Variants in CDCA7 observed in about 807,000 individuals in gnomAD.
The protein encoded by CDCA7 is cell division cycle associated 7.
Under a neutral mutation model 54.0 loss-of-function variants are expected in CDCA7, and 28 were observed. The ratio of observed to expected loss-of-function variants is 0.52; its 90% CI spans 0.38 to 0.71. The LOEUF (loss-of-function observed/expected upper bound fraction) is 0.71. CDCA7 is among the 30% of genes least tolerant of loss of function. The pLI is 0.00. For synonymous variants in CDCA7, 180 were observed against 208.2 expected (o/e 0.86, Z 1.16); for missense variants, 484 against 586.0 (o/e 0.83, Z 1.80).
Position 173,358,753 on chromosome 2 carries a change from A to C in CDCA7, c.63A>C (p.Arg21Ser). ...LRVKKNLKKF[R>S]YVKLISMETS... ...TAAAGAAGAACTTAAAGAAATTCAGATATGTGAAGTTGATTTCCATGGAAA... is the reference window on the plus strand; with the variant it reads ...TAAAGAAGAACTTAAAGAAATTCAGCTATGTGAAGTTGATTTCCATGGAAA... Residue 21 changes from arginine to serine, a missense_variant, in exon 2 of 10, where the codon AGA becomes AGC. Arg to Ser is a moderately radical substitution (Grantham distance 110). This residue lies in a region of CDCA7 where 398 missense variants were observed against 447.4 expected (regional missense o/e 0.89). Coordinates refer to ENST00000306721, the MANE Select transcript of CDCA7 (RefSeq NM_031942.5). 2 of 1,613,996 alleles carry C rather than the reference A, an allele frequency of 1.2e-6. No individual in the cohort carries two copies. Among genetic ancestry groups the C allele is most frequent in the Non-Finnish European group, 1.7e-6 (2 of 1,179,938 alleles).
chr2:173,357,334 G>GTA (rs142941234), intron 1 of CDCA7, among the ~76,000 whole-genome samples: 5,761 of 152,276 alleles, frequency 0.038, 358 homozygotes, highest in African/African-American at 0.13. Flanking sequence ...CTTAAGTCTT[G>GTA]TATAGCAAAG....
rs920861024 is a variant in CDCA7, at chr2:173,355,129, G to C, written c.21+145G>C. Reference sequence around the variant, plus strand: ...GCGTTGCCCGCTTGGGCAAGCCCCTGATTTTGTGCACCTGGGATAACTGAG... The same window carrying C: ...GCGTTGCCCGCTTGGGCAAGCCCCTCATTTTGTGCACCTGGGATAACTGAG... On this transcript the variant is annotated intron_variant, in intron 1 of 9. Transcript: ENST00000306721. 2.3e-4 allele frequency: 227 copies of C among 977,144 alleles called. 1 individual carries two copies. The highest frequency in any genetic ancestry group is 1.0e-3 in the Middle Eastern group (3 of 2,974). The allele number at this position is 977,144 out of a possible 1,614,324, so 60.5% of individuals were successfully genotyped here.
rs1165493528 is a variant in CDCA7, at chr2:173,366,142, C to G, written c.1036-141C>G. The G allele has an allele frequency of 4.2e-6, 4 of 944,324 alleles. No homozygotes were observed. The highest frequency in any genetic ancestry group is 6.1e-6 in the Non-Finnish European group (4 of 653,786). 58.5% of individuals were successfully genotyped at this position (944,324 alleles called of 1,614,324 possible). A position where few individuals can be genotyped will look rare whatever the true frequency, so the allele number is the denominator to read the frequency against. ...ACCTGGTTGAGTTATTTTTCATACCCTGGCATATACATGTGTATGTAGAGA... is the reference window on the plus strand; with the variant it reads ...ACCTGGTTGAGTTATTTTTCATACCGTGGCATATACATGTGTATGTAGAGA... On this transcript the variant is annotated intron_variant, in intron 7 of 9. Transcript: ENST00000306721. This position sits in a 1 kb window ranked among gnomAD's most constrained non-coding sequence, Gnocchi z 4.5.
rs1433415442 is a variant in CDCA7 at position 173,357,926 on chromosome 2, C to A, written c.22-786C>A. On this transcript the variant is annotated intron_variant, in intron 1 of 9. Coordinates refer to ENST00000306721, the MANE Select transcript of CDCA7 (RefSeq NM_031942.5). ...AGAATTTGACCTGGTTTTGGCCGGG[C>A]GCGGTGGCTCACGCCTGTAATCCCA... Among the ~76,000 whole-genome samples the A allele has an allele frequency of 2.0e-5, 3 of 150,210 alleles. 1 individual carries two copies. The highest frequency in any genetic ancestry group is 1.3e-4 in the Admixed American group (2 of 15,040).
Position 173,365,529 on chromosome 2 carries a change from T to C in CDCA7, c.972T>C (p.Ile324=). 1 of 1,614,158 alleles carries C rather than the reference T, an allele frequency of 6.2e-7. No individual in the cohort carries two copies. Among genetic ancestry groups the C allele is most frequent in the Non-Finnish European group, 8.5e-7 (1 of 1,180,038 alleles). Reference sequence around the variant, plus strand: ...ATATAATTCGCCCAGTGGAAGAAATTACAGAGGAGGAGTTGGAGAACGTCT... The same window carrying C: ...ATATAATTCGCCCAGTGGAAGAAATCACAGAGGAGGAGTTGGAGAACGTCT... ...LPHIIRPVEE[I]TEEELENVCS... is the part of the protein sequence containing the mutation. The change falls in exon 7 of 10, where the codon ATT becomes ATC. Residue 324 remains isoleucine (I), a synonymous_variant. Transcript: ENST00000306721.
rs767153693 is a variant in CDCA7 at position 173,368,069 on chromosome 2, G to A, written c.*405G>A. The A allele has an allele frequency of 2.6e-4, 46 of 177,300 alleles. No individual in the cohort carries two copies. Among genetic ancestry groups the A allele is most frequent in the Non-Finnish European group, 5.1e-4 (43 of 83,922 alleles). The allele number at this position is 177,300 out of a possible 1,614,324, so 11.0% of individuals were successfully genotyped here. ...AACTAACTAGATCTATTGAATTTCA[G>A]AGAAGAGCCTTCTAACTTGTTTACA... On this transcript the variant is annotated 3_prime_UTR_variant, in exon 10 of 10. Transcript: ENST00000306721.
intron 5 of CDCA7, 78 bp downstream of exon 5, chr2:173,363,973 A>T: frequency 3.7e-6 from 5 of 1,353,700 alleles, no homozygotes; most frequent in Non-Finnish European, 5.2e-6. Flanking sequence ...TTAAAAATCT[A>T]ATTTCTTTAT....
At chr2:173,362,825 G>A (rs1221933415) in intron 3 of CDCA7, among the ~76,000 whole-genome samples, 3 of 151,942 alleles carry the variant, frequency 2.0e-5, no homozygotes, top group African/African-American at 4.8e-5. Flanking sequence ...TGATTCACCC[G>A]CCTCAGCCTC....
intron 9 of CDCA7, 94 bp downstream of exon 9, chr2:173,367,380 C>G: frequency 6.4e-7 from 1 of 1,564,996 alleles, no homozygotes; most frequent in African/African-American, 1.4e-5. Context: ...GTGGTTATCT[C>G]TGGCGGGGTG....
At chr2:173,361,078 A>G (rs1686612163) in intron 3 of CDCA7, among the ~76,000 whole-genome samples, 1 of 152,120 alleles carries the variant, frequency 6.6e-6, no homozygotes, top group Non-Finnish European at 1.5e-5. Context: ...GGCTTCTTTC[A>G]CTTAGGATAA....
At chr2:173,365,073 T>A (rs1214744332) in intron 6 of CDCA7, 84 bp downstream of exon 6, 1 of 1,450,298 alleles carries the variant, frequency 6.9e-7, no homozygotes, top group African/African-American at 1.4e-5. Context: ...TACACGCACA[T>A]CCTTAACACC....
In CDCA7 at chr2:173,359,322, A is replaced by T; in HGVS notation, c.215A>T (p.Glu72Val). 1 of 1,614,238 alleles carries T rather than the reference A, an allele frequency of 6.2e-7. No homozygotes were observed. Among genetic ancestry groups the T allele is most frequent in the Non-Finnish European group, 8.5e-7 (1 of 1,180,044 alleles). Residue 72 changes from glutamate (E) to valine (V), a missense_variant, in exon 3 of 10, where the codon GAA becomes GTA. Glu to Val is a moderately radical substitution (Grantham distance 121, BLOSUM62 -2). Around this residue, in one of 3 missense-constraint regions of CDCA7, gnomAD observed 398 missense variants for 447.4 expected, o/e 0.89. Transcript: ENST00000306721. The stretch of plus-strand genomic sequence containing the variant: ...GTTTTTTATGAGGACTCTGATAATG[A>T]ATCTTTCTGCGGCTTTTCAGAAAGT... The part of the protein sequence containing the change: ...ANVFYEDSDN[E>V]SFCGFSESEV...
chr2:173,358,922 C>A, intron 2 of CDCA7, 85 bp downstream of exon 2: 1 of 1,515,756 alleles, frequency 6.6e-7, no homozygotes, highest in Non-Finnish European at 8.9e-7. Flanking sequence ...AAACTGCTTG[C>A]TTTTTGCCTA....
chr2:173,365,636 G>A, intron 7 of CDCA7, 44 bp downstream of exon 7: 3 of 1,600,476 alleles, frequency 1.9e-6, no homozygotes, highest in Non-Finnish European at 2.6e-6. Context: ...ACATCTGTGA[G>A]AGGAAGAGAG....
chr2:173,361,307 G>T (rs1686616213), intron 3 of CDCA7, among the ~76,000 whole-genome samples: 1 of 152,156 alleles, frequency 6.6e-6, no homozygotes, highest in African/African-American at 2.4e-5. Flanking sequence ...ATATACATAG[G>T]AATAGAATTG....
chr2:173,359,146 C>A, intron 2 of CDCA7, 109 bp from the exon 3 acceptor site: 1 of 890,082 alleles, frequency 1.1e-6, no homozygotes, highest in Non-Finnish European at 1.7e-6. Flanking sequence ...AAAAGCTGTT[C>A]TCTTGTAGTG....
chr2:173,358,494 C>T (rs541832094), intron 1 of CDCA7: 28 of 416,252 alleles, frequency 6.7e-5, no homozygotes, highest in South Asian at 1.4e-4. Flanking sequence ...CTCAGCACTG[C>T]ACTTTAGCCT....
At chr2:173,360,761 G>A (rs570599420) in intron 3 of CDCA7, among the ~76,000 whole-genome samples, 2 of 152,316 alleles carry the variant, frequency 1.3e-5, no homozygotes, top group East Asian at 3.9e-4. Context: ...ACAGCCAAGA[G>A]CCACCTTGCT....
At position 173,364,909 on chromosome 2, in the gene CDCA7, G is replaced by A. The variant is rs772080685; in HGVS notation, c.814G>A (p.Ala272Thr). 12 of 1,610,034 alleles carry A rather than the reference G, an allele frequency of 7.5e-6. No homozygotes were observed. Among genetic ancestry groups the A allele is most frequent in the East Asian group, 2.2e-5 (1 of 44,602 alleles). The change falls in exon 6 of 10, where the codon GCT becomes ACT. Residue 272 changes from alanine (A) to threonine (T), a missense_variant. Coordinates refer to ENST00000306721, the MANE Select transcript of CDCA7 (RefSeq NM_031942.5). ...SRSRILGSLD[A>T]LPMEEEEEED... ...GTCCCGGATCCTCGGGTCCCTTGAC[G>A]CTCTACCCATGGAGGAGGAGGAGGA...
Sources: allele counts gnomAD v4.1 joint callset (sites outside exome capture counted in the v4.1 genomes callset), GRCh38; gene constraint gnomAD v4.1.1; regional missense constraint gnomAD v4.1.1; non-coding constraint Gnocchi (gnomAD v3.1); transcripts MANE v1.5; gene names NCBI Gene and HGNC (gene_info 2026-07-23, HGNC 2026-07-21).